The following ZMYM2 variants were observed in gnomAD, a reference collection of about 807,000 sequenced individuals.
ZMYM2 encodes zinc finger MYM-type containing 2.
ZMYM2 carries 56 observed loss-of-function variants against 162.8 expected under a neutral mutation model. That is an observed-to-expected ratio of 0.34 (90% CI 0.28 to 0.43). The LOEUF (loss-of-function observed/expected upper bound fraction) is 0.43. Among genes scored for constraint, ZMYM2 ranks in the 20% least tolerant of loss-of-function variants. ZMYM2 has a pLI of 1.00. For missense variants in ZMYM2, 1,275 were observed against 1,621.8 expected, an observed-to-expected ratio of 0.79 and a Z score of 3.67; for synonymous variants, 510 against 541.6, an observed-to-expected ratio of 0.94 and a Z score of 0.81.
rs559997784 is a variant in ZMYM2, at chr13:19,983,838, A to T, written c.-10-9225A>T. Among the ~76,000 whole-genome samples the T allele has an allele frequency of 1.1e-4, 17 of 152,116 alleles. No individual in the cohort carries two copies. In the South Asian group the frequency reaches 3.5e-3, roughly 32 times the overall value. On this transcript the variant is annotated intron_variant, in intron 2 of 24. Transcript: ENST00000610343. ...GAGTTGGGGTTTCTCCATGTTGCCC[A>T]GGCTGGTCTCCAACTGCGGGCTCAA...
At chr13:19,959,069 A>G (rs985479489) in intron 1 of ZMYM2, among the ~76,000 whole-genome samples, 1 of 150,742 alleles carries the variant, frequency 6.6e-6, no homozygotes, top group African/African-American at 2.4e-5. Context: ...GGCTGCGCTC[A>G]TGTCACAGGC....
chr13:19,935,985 T>C, the ZMYM2 span, among the ~76,000 whole-genome samples: 2 of 152,322 alleles, frequency 1.3e-5, no homozygotes, highest in African/African-American at 4.8e-5. Flanking sequence ...CTAGTAATCA[T>C]AGGAGCGTTT....
At chr13:19,902,878 C>T in the ZMYM2 span, among the ~76,000 whole-genome samples, 2 of 151,520 alleles carry the variant, frequency 1.3e-5, no homozygotes, top group East Asian at 3.9e-4. Context: ...TAGTCCAAGC[C>T]AGGCACGGTG....
chr13:19,995,984 C>T (rs1949986975), intron 3 of ZMYM2, among the ~76,000 whole-genome samples: 2 of 152,052 alleles, frequency 1.3e-5, no homozygotes, highest in African/African-American at 4.8e-5. Flanking sequence ...AAGTGAGACC[C>T]TGTCTCAAAA....
the ZMYM2 span, among the ~76,000 whole-genome samples, chr13:19,904,489 C>T: frequency 6.6e-6 from 1 of 151,958 alleles, no homozygotes; most frequent in Non-Finnish European, 1.5e-5. Context: ...ATGCAGGAGG[C>T]GGAGGTTGCT....
At chr13:19,899,069 C>T in the ZMYM2 span, among the ~76,000 whole-genome samples, 1 of 151,918 alleles carries the variant, frequency 6.6e-6, no homozygotes, top group East Asian at 1.9e-4. Context: ...TCTCTTGCCT[C>T]AGCCTCCCCA....
intron 6 of ZMYM2, among the ~76,000 whole-genome samples, chr13:20,018,627 A>G (rs1951813927): frequency 6.6e-6 from 1 of 152,220 alleles, no homozygotes; most frequent in Non-Finnish European, 1.5e-5. Flanking sequence ...TGGAGACTGT[A>G]TAATGCTTGT....
the ZMYM2 span, among the ~76,000 whole-genome samples, chr13:19,948,460 G>A: frequency 6.6e-5 from 10 of 152,140 alleles, no homozygotes; most frequent in African/African-American, 2.4e-4. Context: ...GAAAGGACAC[G>A]GAGGAAACTT....
chr13:20,085,598 T>G (rs184174033), intron 24 of ZMYM2, among the ~76,000 whole-genome samples: 63 of 152,306 alleles, frequency 4.1e-4, no homozygotes, highest in Non-Finnish European at 1.2e-4. Context: ...TGTCTATTGA[T>G]AGTGTCTTGG....
At chr13:19,924,865 T>G in the ZMYM2 span, among the ~76,000 whole-genome samples, 1 of 151,984 alleles carries the variant, frequency 6.6e-6, no homozygotes, top group Non-Finnish European at 1.5e-5. Flanking sequence ...ATTTTATTTT[T>G]AATTTATTGA....
chr13:19,993,135 T>G lies in ZMYM2; in HGVS notation c.63T>G (p.Ser21Arg), dbSNP rs759884602. 3.1e-6 allele frequency: 5 copies of G among 1,613,866 alleles called. No individual in the cohort carries two copies. The African/African-American group carries it at 6.7e-5, about 22-fold the overall frequency. Residue 21 changes from serine to arginine, a missense_variant, in exon 3 of 25, where the codon AGT becomes AGG. By Grantham distance (110) the Ser-to-Arg change is moderately radical. This residue lies in a region of ZMYM2 where 295 missense variants were observed against 286.7 expected (regional missense o/e 1.03). Coordinates refer to ENST00000610343, the MANE Select transcript of ZMYM2 (RefSeq NM_197968.4). ...ATCAGACTCCTGTTTTATTAGGGAG[T>G]ACGGCCATGGCAACTAGTCTCACGA... ...LTDQTPVLLG[S>R]TAMATSLTNV... is the part of the protein sequence containing the mutation.
the ZMYM2 span, among the ~76,000 whole-genome samples, chr13:19,947,501 C>T: frequency 1.5e-3 from 230 of 150,450 alleles, 1 homozygote; most frequent in African/African-American, 5.4e-3. Context: ...GCTCTTGTTG[C>T]CCAGGCTGGA....
intron 23 of ZMYM2, 129 bp from the exon 24 acceptor site, chr13:20,083,526 AC>A (rs1250735320): frequency 1.5e-6 from 1 of 683,600 alleles, no homozygotes; most frequent in African/African-American, 1.8e-5. Context: ...ATTGTACATT[AC>A]CAGAAGCCAT....
chr13:20,026,092 A>T (rs1952558199), intron 7 of ZMYM2: 1 of 152,112 alleles, frequency 6.6e-6, no homozygotes, highest in Non-Finnish European at 1.5e-5. Context: ...TTGTGGTTTA[A>T]TGAGATTTCA....
At chr13:19,908,295 C>G in the ZMYM2 span, among the ~76,000 whole-genome samples, 1 of 151,790 alleles carries the variant, frequency 6.6e-6, no homozygotes, top group Non-Finnish European at 1.5e-5. Context: ...CTCAAACAAA[C>G]AAACAAACAA....
intron 21 of ZMYM2, among the ~76,000 whole-genome samples, chr13:20,074,861 C>T (rs1318775300): frequency 2.0e-5 from 3 of 152,072 alleles, no homozygotes; most frequent in Admixed American, 2.0e-4. Context: ...AAAATAGGTT[C>T]CTTATGTATT....
the ZMYM2 span, among the ~76,000 whole-genome samples, chr13:19,884,644 G>A: frequency 2.5e-3 from 385 of 152,158 alleles, no homozygotes; most frequent in African/African-American, 8.6e-3. Context: ...TACTTAGTTT[G>A]GTCCTTCCGG....
the ZMYM2 span, among the ~76,000 whole-genome samples, chr13:19,912,991 C>G: frequency 6.6e-6 from 1 of 152,080 alleles, no homozygotes; most frequent in African/African-American, 2.4e-5. Flanking sequence ...GACCATTAGT[C>G]AAGTGAACAA....
chr13:19,968,478 T>A (rs2139217441), intron 2 of ZMYM2, among the ~76,000 whole-genome samples: 2 of 152,320 alleles, frequency 1.3e-5, no homozygotes, highest in East Asian at 3.9e-4. Context: ...GCTAGGCTGG[T>A]CTCGAACTCC....
Sources: allele counts gnomAD v4.1 joint callset (sites outside exome capture counted in the v4.1 genomes callset), GRCh38; gene constraint gnomAD v4.1.1; regional missense constraint gnomAD v4.1.1; transcripts MANE v1.5; gene names NCBI Gene and HGNC (gene_info 2026-07-23, HGNC 2026-07-21).